KCNJ9: variants seen among roughly 807,000 people sequenced by gnomAD.
The protein encoded by KCNJ9 is potassium inwardly rectifying channel subfamily J member 9.
Under a neutral mutation model 27.9 loss-of-function variants are expected in KCNJ9, and 18 were observed. The observed-to-expected ratio is 0.65, with a 90% confidence interval of 0.45 to 0.96. The LOEUF (loss-of-function observed/expected upper bound fraction) is 0.96, where lower values mean the gene tolerates loss of function less well. Ranked by LOEUF, KCNJ9 falls within the 40% of genes least tolerant of loss-of-function variation. The pLI, the probability that KCNJ9 is intolerant of heterozygous loss-of-function variation, is 0.00. For missense variants in KCNJ9, 324 were observed against 557.5 expected, an observed-to-expected ratio of 0.58 and a Z score of 4.22; for synonymous variants, 229 against 248.2, an observed-to-expected ratio of 0.92 and a Z score of 0.73.
Position 160,087,501 on chromosome 1 carries a change from C to A in KCNJ9, c.866C>A (p.Ala289Asp). 6.2e-7 allele frequency: 1 copy of A among 1,601,840 alleles called. No homozygotes were observed. The highest frequency in any genetic ancestry group is 2.2e-5 in the East Asian group (1 of 44,650). The change falls in exon 3 of 3, where the codon GCT becomes GAT. Residue 289 changes from alanine (A) to aspartate (D), a missense_variant. Ala to Asp is a moderately radical substitution (Grantham distance 126). Around this residue, in one of 3 missense-constraint regions of KCNJ9, gnomAD observed 241 missense variants for 481.7 expected, o/e 0.50. Transcript: ENST00000368088. ...MVEATGMTCQ[A>D]RSSYLVDEVL... is the part of the protein sequence containing the mutation. Reference sequence around the variant, plus strand: ...CTCCTCCCAGGAATGACATGCCAAGCTCGGAGCTCCTACCTGGTAGACGAG... The same window carrying A: ...CTCCTCCCAGGAATGACATGCCAAGATCGGAGCTCCTACCTGGTAGACGAG...
At position 160,084,249 on chromosome 1, in the gene KCNJ9, C is replaced by G. The variant is rs370461034; in HGVS notation, c.219C>G (p.Leu73=). Residue 73 remains leucine (L), a synonymous_variant, in exon 2 of 3, where the codon CTC becomes CTG. Coordinates refer to ENST00000368088, the MANE Select transcript of KCNJ9 (RefSeq NM_004983.3). ...FFVLAYALTW[L]FFGAIWWLIA... Reference sequence around the variant, plus strand: ...TCCTGGCCTACGCGCTCACCTGGCTCTTCTTCGGCGCCATCTGGTGGCTGA... The same window carrying G: ...TCCTGGCCTACGCGCTCACCTGGCTGTTCTTCGGCGCCATCTGGTGGCTGA... The G allele has an allele frequency of 6.2e-7, 1 of 1,613,472 alleles. No individual in the cohort carries two copies. The highest frequency in any genetic ancestry group is 2.2e-5 in the East Asian group (1 of 44,872).
At chr1:160,084,960 C>T (rs1250203704) in intron 2 of KCNJ9, 80 bp downstream of exon 2, 1 of 1,410,740 alleles carries the variant, frequency 7.1e-7, no homozygotes, top group Middle Eastern at 2.5e-4. Context: ...GACTAGGGGC[C>T]AGGGGAGCTG....
Position 160,088,003 on chromosome 1 carries a change from T to A in KCNJ9, c.*186T>A. 2.0e-6 allele frequency: 1 copy of A among 489,582 alleles called. No homozygotes were observed. The highest frequency in any genetic ancestry group is 3.3e-6 in the Non-Finnish European group (1 of 301,636). 30.3% of individuals were successfully genotyped at this position (489,582 alleles called of 1,614,324 possible). A position where few individuals can be genotyped will look rare whatever the true frequency, so the allele number is the denominator to read the frequency against. ...AAACCAGTATGGAAGGGAGGGGTCC[T>A]GATTTCAGGGAAATGGAGGGTGGGG... On this transcript the variant is annotated 3_prime_UTR_variant, in exon 3 of 3. Transcript: ENST00000368088.
At position 160,083,914 on chromosome 1, in the gene KCNJ9, A is replaced by T; in HGVS notation, c.-114-3A>T. 1 of 951,400 alleles carries T rather than the reference A, an allele frequency of 1.1e-6. No homozygotes were observed. The highest frequency in any genetic ancestry group is 1.3e-6 in the Non-Finnish European group (1 of 749,182). The allele number at this position is 951,400 out of a possible 1,614,324, so 58.9% of individuals were successfully genotyped here. On this transcript the variant is annotated splice_polypyrimidine_tract_variant and splice_region_variant and intron_variant, in intron 1 of 2. Transcript: ENST00000368088. ...GCCACTCATTCGGCAAACCTTTATT[A>T]AGCCCCTCCAGGACCCCCGACGCCG...
At position 160,084,439 on chromosome 1, in the gene KCNJ9, G is replaced by GTGC. The variant is rs766862369; in HGVS notation, c.422_424dup (p.Leu141dup). 4 of 1,613,434 alleles carry GTGC rather than the reference G, an allele frequency of 2.5e-6. No individual in the cohort carries two copies. The highest frequency in any genetic ancestry group is 2.2e-5 in the East Asian group (1 of 44,878). ...CACCGACCAGTGCCCCGAGGGCATC[G>GTGC]TGCTGCTGCTGCTGCAGGCCATCCT... On this transcript the variant is annotated inframe_insertion, in exon 2 of 3. Transcript: ENST00000368088.
Position 160,084,753 on chromosome 1 carries a change from C to T in KCNJ9, c.723C>T (p.Leu241=), listed in dbSNP as rs749299338. The T allele has an allele frequency of 1.9e-6, 3 of 1,572,230 alleles. No homozygotes were observed. Among genetic ancestry groups the T allele is most frequent in the African/African-American group, 1.4e-5 (1 of 74,024 alleles). Reference sequence around the variant, plus strand: ...ACACGGGAGACGACCGCCTCTTCCTCGTCTCGCCGCTGGTTATCAGCCACG... The same window carrying T: ...ACACGGGAGACGACCGCCTCTTCCTTGTCTCGCCGCTGGTTATCAGCCACG... ...GFDTGDDRLF[L]VSPLVISHEI... The change falls in exon 2 of 3, where the codon CTC becomes CTT. Residue 241 remains leucine (L), a synonymous_variant. Transcript: ENST00000368088.
At chr1:160,086,578 G>C (rs891080203) in intron 2 of KCNJ9, among the ~76,000 whole-genome samples, 2 of 152,226 alleles carry the variant, frequency 1.3e-5, no homozygotes, top group South Asian at 4.1e-4. Context: ...CTACATTTAG[G>C]CTTTAAAAAA....
intron 1 of KCNJ9, among the ~76,000 whole-genome samples, chr1:160,083,134 G>A (rs1407037802): frequency 2.0e-5 from 3 of 152,216 alleles, no homozygotes; most frequent in African/African-American, 7.2e-5. Context: ...CCAGGCTTCT[G>A]TGTTGGGATC....
At chr1:160,085,365 G>C (rs1305140616) in intron 2 of KCNJ9, among the ~76,000 whole-genome samples, 2 of 152,216 alleles carry the variant, frequency 1.3e-5, no homozygotes, top group Non-Finnish European at 2.9e-5. Flanking sequence ...ATTGGACACA[G>C]GCAATGTGGC....
intron 1 of KCNJ9, among the ~76,000 whole-genome samples, chr1:160,082,825 C>T (rs1027210308): frequency 3.9e-5 from 6 of 152,174 alleles, no homozygotes; most frequent in Non-Finnish European, 5.9e-5. Flanking sequence ...TGGGGAAGGG[C>T]TCTGGACCTC....
Position 160,084,077 on chromosome 1 carries a change from CG to C in KCNJ9, c.48del (p.Arg17GlyfsTer29). ...AAFSPGQEEP[P>X]RRRGRQRYVE... ...TTCTCGCCCGGGCAGGAGGAGCCGC[CG>C]CGGCGCCGCGGCCGCCAGCGCTACG... On this transcript the variant is annotated frameshift_variant, in exon 2 of 3. Coordinates refer to ENST00000368088, the MANE Select transcript of KCNJ9 (RefSeq NM_004983.3). LOFTEE classifies it high-confidence loss of function. The C allele has an allele frequency of 6.5e-7, 1 of 1,536,538 alleles. No individual in the cohort carries two copies. The highest frequency in any genetic ancestry group is 8.7e-7 in the Non-Finnish European group (1 of 1,145,036).
intron 2 of KCNJ9, among the ~76,000 whole-genome samples, chr1:160,085,820 C>A (rs1215956406): frequency 1.3e-5 from 2 of 152,230 alleles, no homozygotes; most frequent in Non-Finnish European, 2.9e-5. Flanking sequence ...CCTCCTCTGA[C>A]GCCAGAGCTG....
chr1:160,086,731 G>C (rs1348789950), intron 2 of KCNJ9, among the ~76,000 whole-genome samples: 1 of 147,644 alleles, frequency 6.8e-6, no homozygotes, highest in Non-Finnish European at 1.5e-5. Flanking sequence ...ATTAGTGAAA[G>C]CATCATGGCC....
In KCNJ9 at chr1:160,083,944, G is replaced by A. The variant is rs1189000399; in HGVS notation, c.-87G>A. 6.0e-6 allele frequency: 7 copies of A among 1,162,254 alleles called. No individual in the cohort carries two copies. The Admixed American group carries it at 2.7e-4, about 45-fold the overall frequency. 72.0% of individuals were successfully genotyped at this position (1,162,254 alleles called of 1,614,324 possible). A position where few individuals can be genotyped will look rare whatever the true frequency, so the allele number is the denominator to read the frequency against. On this transcript the variant is annotated 5_prime_UTR_variant, in exon 2 of 3. Transcript: ENST00000368088. The stretch of plus-strand genomic sequence containing the variant: ...CCTCCAGGACCCCCGACGCCGCCTA[G>A]GCGCCCAGCGACGCGCGGCAGGTGG...
At chr1:160,083,346 T>A (rs1649713468) in intron 1 of KCNJ9, among the ~76,000 whole-genome samples, 1 of 152,148 alleles carries the variant, frequency 6.6e-6, no homozygotes, top group Non-Finnish European at 1.5e-5. Context: ...TTTGTAAGCA[T>A]GTTGAGGGGA....
rs1649730268 is a variant in KCNJ9, at chr1:160,084,023, C to T, written c.-8C>T. On this transcript the variant is annotated 5_prime_UTR_variant, in exon 2 of 3. Coordinates refer to ENST00000368088, the MANE Select transcript of KCNJ9 (RefSeq NM_004983.3). ...GGCGCCCGCAGCGCTCGCCCTGACG[C>T]GGCCGCCATGGCGCAGGAGAACGCG... The T allele has an allele frequency of 2.2e-6, 3 of 1,388,600 alleles. No homozygotes were observed. In the East Asian group the frequency reaches 8.6e-5, roughly 40 times the overall value. 86.0% of individuals were successfully genotyped at this position (1,388,600 alleles called of 1,614,324 possible).
At chr1:160,082,009 C>T (rs1429392978) in intron 1 of KCNJ9, among the ~76,000 whole-genome samples, 1 of 152,098 alleles carries the variant, frequency 6.6e-6, no homozygotes, top group East Asian at 1.9e-4. Context: ...TTTTCCTTCC[C>T]CTGAGAAAAG....
rs2101945709 is a variant in KCNJ9 at position 160,084,382 on chromosome 1, G to A, written c.352G>A (p.Glu118Lys). The A allele has an allele frequency of 6.2e-7, 1 of 1,613,676 alleles. No individual in the cohort carries two copies. Among genetic ancestry groups the A allele is most frequent in the Non-Finnish European group, 8.5e-7 (1 of 1,179,912 alleles). ...VAAFLFSIET[E>K]TTIGYGHRVI... ...CGCCTTCCTCTTCTCCATCGAGACC[G>A]AGACCACCATCGGCTACGGGCACCG... is the stretch of plus-strand genomic sequence containing the variant. The change falls in exon 2 of 3, where the codon GAG (glutamate) becomes AAG (lysine). Residue 118 changes from glutamate to lysine, a missense_variant. Physicochemically the swap from Glu to Lys is moderately conservative, Grantham distance 56. This residue lies in a region of KCNJ9 where 241 missense variants were observed against 481.7 expected (regional missense o/e 0.50). Transcript: ENST00000368088.
intron 2 of KCNJ9, among the ~76,000 whole-genome samples, chr1:160,085,896 G>T (rs975242635): frequency 2.0e-5 from 3 of 152,162 alleles, no homozygotes; most frequent in African/African-American, 7.2e-5. Flanking sequence ...GCCCCTTTAG[G>T]CTGAGACTCC....
Sources: gnomAD v4.1 joint callset for allele counts (sites outside exome capture counted in the v4.1 genomes callset) on GRCh38, gnomAD v4.1.1 for gene constraint, gnomAD v4.1.1 regional missense constraint, MANE v1.5 for transcripts, NCBI Gene and HGNC (gene_info 2026-07-23, HGNC 2026-07-21) for gene names.